PLEKHA5: variants seen among roughly 807,000 people sequenced by gnomAD.
PLEKHA5 encodes pleckstrin homology domain-containing family A member 5.
Under a neutral mutation model 181.9 loss-of-function variants are expected in PLEKHA5, and 55 were observed. The ratio of observed to expected loss-of-function variants is 0.30; its 90% CI spans 0.24 to 0.38. The LOEUF (loss-of-function observed/expected upper bound fraction) is 0.38, where lower values mean the gene tolerates loss of function less well. Among genes scored for constraint, PLEKHA5 ranks in the 10% least tolerant of loss-of-function variants. PLEKHA5 has a pLI of 1.00. For missense variants in PLEKHA5, 1,432 were observed against 1,549.5 expected, an observed-to-expected ratio of 0.92 and a Z score of 1.27; for synonymous variants, 535 against 529.4, an observed-to-expected ratio of 1.01 and a Z score of -0.15.
intron 15 of PLEKHA5, among the ~76,000 whole-genome samples, chr12:19,294,261 G>A (rs1229747070): frequency 6.6e-6 from 1 of 152,052 alleles, no homozygotes; most frequent in African/African-American, 2.4e-5. Context: ...TTATGATTTA[G>A]ATAACTTTGA....
At chr12:19,164,832 T>A (rs951912809) in intron 3 of PLEKHA5, among the ~76,000 whole-genome samples, 1 of 152,196 alleles carries the variant, frequency 6.6e-6, no homozygotes, top group Non-Finnish European at 1.5e-5. Context: ...TCTGGCTGTC[T>A]TCTTTCCCCA....
intron 3 of PLEKHA5, among the ~76,000 whole-genome samples, chr12:19,229,346 T>C (rs1051503081): frequency 4.6e-5 from 7 of 152,204 alleles, no homozygotes; most frequent in African/African-American, 1.4e-4. Context: ...GTTACAGTTC[T>C]TAAAGGTGGC....
intron 12 of PLEKHA5, among the ~76,000 whole-genome samples, chr12:19,284,893 A>G (rs1259946767): frequency 6.6e-6 from 1 of 152,192 alleles, no homozygotes; most frequent in Non-Finnish European, 1.5e-5. Flanking sequence ...TGATTGCACC[A>G]CTGCACCCAA....
chr12:19,173,707 G>T (rs753412065), intron 3 of PLEKHA5, among the ~76,000 whole-genome samples: 1 of 152,174 alleles, frequency 6.6e-6, no homozygotes, highest in Non-Finnish European at 1.5e-5. Flanking sequence ...CAGCCTAGGG[G>T]ATAGCTTAAG....
At chr12:19,149,734 C>T (rs1175506222) in intron 3 of PLEKHA5, 3 of 152,040 alleles carry the variant, frequency 2.0e-5, no homozygotes, top group African/African-American at 7.3e-5. Context: ...AATGACTCTT[C>T]CTCTAATAGG....
chr12:19,306,267 C>T lies in PLEKHA5; in HGVS notation c.2038-8547C>T, dbSNP rs906211255. ...CCTAAGTGTATTTCCGAGATGTTGCCACGTATGTTTTCTTATTTACAGCTA... is the reference window on the plus strand; with the variant it reads ...CCTAAGTGTATTTCCGAGATGTTGCTACGTATGTTTTCTTATTTACAGCTA... On this transcript the variant is annotated intron_variant, in intron 15 of 31. Transcript: ENST00000429027. 2.3e-5 allele frequency: 8 copies of T among 341,744 alleles called. No individual in the cohort carries two copies. In the Admixed American group the frequency reaches 3.2e-4, roughly 14 times the overall value. 21.2% of individuals were successfully genotyped at this position (341,744 alleles called of 1,614,324 possible).
At chr12:19,235,511 C>T (rs900254048) in intron 3 of PLEKHA5, among the ~76,000 whole-genome samples, 1 of 152,156 alleles carries the variant, frequency 6.6e-6, no homozygotes, top group African/African-American at 2.4e-5. Context: ...GTGGTAAGCA[C>T]TGTTCTAATT....
intron 3 of PLEKHA5, among the ~76,000 whole-genome samples, chr12:19,185,977 A>G (rs1285580516): frequency 6.6e-6 from 1 of 152,164 alleles, no homozygotes; most frequent in Non-Finnish European, 1.5e-5. Flanking sequence ...CCTTTGTGAA[A>G]TATTTGGATT....
intron 3 of PLEKHA5, among the ~76,000 whole-genome samples, chr12:19,135,958 C>T (rs1048173367): frequency 6.7e-6 from 1 of 150,238 alleles, no homozygotes; most frequent in African/African-American, 2.5e-5. Context: ...CAACACACTG[C>T]AGCCTTGACC....
rs543889040 is a variant in PLEKHA5, at chr12:19,230,636, C to T, written c.228-23304C>T. Among the ~76,000 whole-genome samples, 453 of 152,282 alleles carry T rather than the reference C, an allele frequency of 3.0e-3. 2 individuals carry two copies. The highest frequency in any genetic ancestry group is 3.8e-3 in the Non-Finnish European group (257 of 68,016). On this transcript the variant is annotated intron_variant, in intron 3 of 31. Coordinates refer to ENST00000429027, the MANE Select transcript of PLEKHA5 (RefSeq NM_001256470.2). ...CCTCACTGCCTGGGGCCAGCAATGC[C>T]GGCCGGCCACTCTGAGTGCGGCCCG...
intron 7 of PLEKHA5, among the ~76,000 whole-genome samples, chr12:19,263,647 G>A (rs1021716913): frequency 3.9e-5 from 6 of 152,076 alleles, no homozygotes; most frequent in Admixed American, 2.6e-4. Context: ...GTAGAAATGG[G>A]GAATCTAAAA....
chr12:19,298,782 C>A (rs1402007118), intron 15 of PLEKHA5, among the ~76,000 whole-genome samples: 2 of 152,154 alleles, frequency 1.3e-5, no homozygotes, highest in African/African-American at 4.8e-5. Context: ...TTGGTCATGT[C>A]ACAAGCATTT....
intron 3 of PLEKHA5, among the ~76,000 whole-genome samples, chr12:19,248,173 T>A (rs184240909): frequency 5.9e-4 from 90 of 152,282 alleles, no homozygotes; most frequent in African/African-American, 2.1e-3. Flanking sequence ...CAGAGAGTTG[T>A]GTTCACATCA....
At position 19,193,158 on chromosome 12, in the gene PLEKHA5, A is replaced by G. The variant is rs374741281; in HGVS notation, c.227+60708A>G. Among the ~76,000 whole-genome samples, 9 of 152,328 alleles carry G rather than the reference A, an allele frequency of 5.9e-5. No individual in the cohort carries two copies. In the South Asian group the frequency reaches 1.2e-3, roughly 21 times the overall value. ...GGTGCATAAATCCAAGGACAGTAGC[A>G]TGTGAGTCAACTTTAAACATAAGAG... is the stretch of plus-strand genomic sequence containing the variant. On this transcript the variant is annotated intron_variant, in intron 3 of 31. Transcript: ENST00000429027.
intron 3 of PLEKHA5, among the ~76,000 whole-genome samples, chr12:19,215,366 C>A (rs371610179): frequency 2.0e-5 from 3 of 151,930 alleles, no homozygotes; most frequent in African/African-American, 7.3e-5. Context: ...AGAATCCAGA[C>A]GCTGAGTAAC....
At chr12:19,361,461 G>A in intron 28 of PLEKHA5, 121 bp from the exon 29 acceptor site, 1 of 604,916 alleles carries the variant, frequency 1.7e-6, no homozygotes, top group Non-Finnish European at 2.9e-6. Context: ...GGGATTACAG[G>A]CGTGAGCCAT....
chr12:19,186,931 A>G (rs991818361), intron 3 of PLEKHA5, among the ~76,000 whole-genome samples: 3 of 152,178 alleles, frequency 2.0e-5, no homozygotes, highest in African/African-American at 7.2e-5. Context: ...GGTGGTTGAA[A>G]GAGATGTTGT....
At chr12:19,222,657 G>A (rs1009709880) in intron 3 of PLEKHA5, among the ~76,000 whole-genome samples, 3 of 152,270 alleles carry the variant, frequency 2.0e-5, no homozygotes, top group African/African-American at 7.2e-5. Context: ...GACCCACAGG[G>A]ATGTGTAAAT....
At chr12:19,179,933 CAA>C (rs1020356172) in intron 3 of PLEKHA5, among the ~76,000 whole-genome samples, 4 of 152,190 alleles carry the variant, frequency 2.6e-5, no homozygotes, top group African/African-American at 7.2e-5. Context: ...CTCCTAGACT[CAA>C]GATATCCTCC....
Sources: allele counts gnomAD v4.1 joint callset (sites outside exome capture counted in the v4.1 genomes callset), GRCh38; gene constraint gnomAD v4.1.1; transcripts MANE v1.5; gene names NCBI Gene and HGNC (gene_info 2026-07-23, HGNC 2026-07-21).